LRRC74A: variants seen among roughly 807,000 people sequenced by gnomAD.
LRRC74A encodes the protein leucine rich repeat containing 74A, also known as leucine-rich repeat-containing protein 74A.
Under a neutral mutation model 57.9 loss-of-function variants are expected in LRRC74A, and 44 were observed. That is an observed-to-expected ratio of 0.76 (90% CI 0.60 to 0.98). The LOEUF is 0.98. Ranked by LOEUF, LRRC74A falls within the 50% of genes least tolerant of loss-of-function variation. The pLI, the probability that LRRC74A is intolerant of heterozygous loss-of-function variation, is 0.00. For missense variants in LRRC74A, 572 were observed against 574.0 expected (o/e 1.00, Z 0.04); for synonymous variants, 211 against 219.4 (o/e 0.96, Z 0.34).
At chr14:76,859,718 C>G (rs1324613383) in intron 10 of LRRC74A, among the ~76,000 whole-genome samples, 1 of 147,162 alleles carries the variant, frequency 6.8e-6, no homozygotes, top group Non-Finnish European at 1.5e-5. Flanking sequence ...CTCTGTCGCC[C>G]AGGCTGGAGT....
chr14:76,843,052 G>A (rs928576813), intron 5 of LRRC74A, among the ~76,000 whole-genome samples: 2 of 152,128 alleles, frequency 1.3e-5, no homozygotes, highest in African/African-American at 4.8e-5. Context: ...AGGAGGCTGA[G>A]GTGGGCAGAT....
Position 76,853,430 on chromosome 14 carries a change from GGTGTGTGTGTGT to G in LRRC74A, c.957+41_957+52del, listed in dbSNP as rs140347611. 2.3e-5 allele frequency: 27 copies of G among 1,180,142 alleles called. No individual in the cohort carries two copies. The East Asian group carries it at 2.6e-4, about 11-fold the overall frequency. The allele number at this position is 1,180,142 out of a possible 1,614,324, so 73.1% of individuals were successfully genotyped here. Reference sequence around the variant, plus strand: ...CTGAAGGTAGTCTTCAGCTGGAAAGGGTGTGTGTGTGTGTGTGTGTGTGTGTGTGTGTTTGTG... The same window carrying G: ...CTGAAGGTAGTCTTCAGCTGGAAAGGGTGTGTGTGTGTGTGTGTGTTTGTG... On this transcript the variant is annotated intron_variant, in intron 9 of 13. Transcript: ENST00000689127.
intron 10 of LRRC74A, among the ~76,000 whole-genome samples, 173 bp downstream of exon 10, chr14:76,857,648 T>C (rs2140303259): frequency 6.6e-6 from 1 of 152,332 alleles, no homozygotes; most frequent in East Asian, 1.9e-4. Flanking sequence ...GGGATCCTTT[T>C]AGGAAGAGTA....
At position 76,828,930 on chromosome 14, in the gene LRRC74A, G is replaced by T. The variant is rs80096559; in HGVS notation, c.166+511G>T. 7.7e-4 allele frequency: 624 copies of T among 813,636 alleles called. 4 individuals carry two copies. In the African/African-American group the frequency reaches 0.011, roughly 14 times the overall value. The allele number at this position is 813,636 out of a possible 1,614,324, so 50.4% of individuals were successfully genotyped here. ...CCCAGGCCCCTGGAGTGTTTCTGTG[G>T]CCTATCTTGCATCCCAGTGACTTTC... On this transcript the variant is annotated intron_variant, in intron 2 of 13. Transcript: ENST00000689127.
intron 8 of LRRC74A, 89 bp from the exon 9 acceptor site, chr14:76,853,127 T>G: frequency 7.9e-7 from 1 of 1,262,988 alleles, no homozygotes; most frequent in South Asian, 1.3e-5. Context: ...CCGGTCTGGA[T>G]GCCAACAGGG....
intron 13 of LRRC74A, 38 bp downstream of exon 13, chr14:76,867,476 A>AGAAC: frequency 8.8e-7 from 1 of 1,142,250 alleles, no homozygotes; most frequent in Non-Finnish European, 1.3e-6. Flanking sequence ...GTTCTCTGCA[A>AGAAC]GGGGCCCTGG....
In LRRC74A at chr14:76,844,489, G is replaced by A. The variant is rs750904287; in HGVS notation, c.594+17G>A. On this transcript the variant is annotated intron_variant, in intron 6 of 13. Coordinates refer to ENST00000689127, the MANE Select transcript of LRRC74A (RefSeq NM_001385106.1). ...GCCCTGTCGGTAAGAGGCAGGGAGT[G>A]CAGCCAAGCCACGTGGGCGATGTCC... The A allele has an allele frequency of 6.2e-7, 1 of 1,610,234 alleles. No homozygotes were observed. The highest frequency in any genetic ancestry group is 1.1e-5 in the South Asian group (1 of 90,146).
In LRRC74A at chr14:76,859,708, C is replaced by T. The variant is rs1360377269; in HGVS notation, c.1054-985C>T. Reference sequence around the variant, plus strand: ...TTTGGGTGTTGGGGATGGAGTCTCACTCTGTCGCCCAGGCTGGAGTGCAAT... The same window carrying T: ...TTTGGGTGTTGGGGATGGAGTCTCATTCTGTCGCCCAGGCTGGAGTGCAAT... On this transcript the variant is annotated intron_variant, in intron 10 of 13. Transcript: ENST00000689127. Among the ~76,000 whole-genome samples, 4 of 131,072 alleles carry T rather than the reference C, an allele frequency of 3.1e-5. No homozygotes were observed. The South Asian group carries it at 7.7e-4, about 25-fold the overall frequency. 86.0% of individuals were successfully genotyped at this position (131,072 alleles called of 152,430 possible). A position where few individuals can be genotyped will look rare whatever the true frequency, so the allele number is the denominator to read the frequency against.
At chr14:76,829,203 C>A (rs1566713749) in intron 2 of LRRC74A, 2 of 1,288,552 alleles carry the variant, frequency 1.6e-6, no homozygotes, top group South Asian at 1.2e-5. Flanking sequence ...AGCCCAGTCA[C>A]CCTTCCTCCC....
At chr14:76,837,013 G>A (rs542558029) in intron 4 of LRRC74A, among the ~76,000 whole-genome samples, 1 of 151,976 alleles carries the variant, frequency 6.6e-6, no homozygotes, top group East Asian at 1.9e-4. Flanking sequence ...ATGGTGGTGT[G>A]TGCCTGTAAT....
At chr14:76,857,326 G>A in intron 9 of LRRC74A, 54 bp from the exon 10 acceptor site, 1 of 1,157,704 alleles carries the variant, frequency 8.6e-7, no homozygotes, top group Non-Finnish European at 1.3e-6. Flanking sequence ...CTGTGCTCTG[G>A]GCCAGCCTCT....
intron 6 of LRRC74A, among the ~76,000 whole-genome samples, 167 bp from the exon 7 acceptor site, chr14:76,844,653 T>C (rs189283273): frequency 6.6e-6 from 1 of 152,280 alleles, no homozygotes; most frequent in Admixed American, 6.5e-5. Flanking sequence ...TATATGGCAC[T>C]AAGTTCTCCC....
intron 9 of LRRC74A, among the ~76,000 whole-genome samples, chr14:76,854,768 G>T (rs924855778): frequency 1.3e-5 from 2 of 152,138 alleles, no homozygotes; most frequent in Non-Finnish European, 2.9e-5. Context: ...ACTAGTAGAT[G>T]CTAATTTATA....
At chr14:76,839,935 T>C (rs1235985189) in intron 5 of LRRC74A, among the ~76,000 whole-genome samples, 1 of 152,150 alleles carries the variant, frequency 6.6e-6, no homozygotes, top group Non-Finnish European at 1.5e-5. Context: ...TTCACCATGT[T>C]GGCCAGGATG....
intron 7 of LRRC74A, among the ~76,000 whole-genome samples, chr14:76,850,180 C>T (rs928220424): frequency 6.6e-6 from 1 of 152,160 alleles, no homozygotes; most frequent in Non-Finnish European, 1.5e-5. Flanking sequence ...TGCACTCCAG[C>T]CTGGGCGACA....
intron 1 of LRRC74A, 132 bp from the exon 2 acceptor site, chr14:76,828,159 G>C: frequency 8.4e-7 from 1 of 1,188,218 alleles, no homozygotes. Context: ...ACTTGCCCTG[G>C]CAGGGCTTGG....
At chr14:76,847,344 G>A (rs1251071696) in intron 7 of LRRC74A, among the ~76,000 whole-genome samples, 4 of 152,140 alleles carry the variant, frequency 2.6e-5, no homozygotes, top group African/African-American at 7.2e-5. Flanking sequence ...TATACACCAC[G>A]GAATACTATG....
intron 11 of LRRC74A, among the ~76,000 whole-genome samples, chr14:76,864,831 G>A (rs1898648492): frequency 6.6e-6 from 1 of 152,180 alleles, no homozygotes; most frequent in Non-Finnish European, 1.5e-5. Context: ...TCTAGCCTAG[G>A]CGACAGAGCG....
At chr14:76,844,938 G>A in intron 7 of LRRC74A, 37 bp downstream of exon 7, 1 of 1,071,450 alleles carries the variant, frequency 9.3e-7, no homozygotes. Flanking sequence ...CAAAGGGGAG[G>A]GATAGGGAAG....
Sources: gnomAD v4.1 joint callset for allele counts (sites outside exome capture counted in the v4.1 genomes callset) on GRCh38, gnomAD v4.1.1 for gene constraint, MANE v1.5 for transcripts, NCBI Gene and HGNC (gene_info 2026-07-23, HGNC 2026-07-21) for gene names.